The following PDE4D variants were observed in gnomAD, a reference collection of about 807,000 sequenced individuals.
PDE4D encodes phosphodiesterase 4D.
PDE4D carries 24 observed loss-of-function variants against 87.4 expected under a neutral mutation model. The ratio of observed to expected loss-of-function variants is 0.27; its 90% confidence interval spans 0.20 to 0.39. The LOEUF is 0.39. Ranked by LOEUF, PDE4D falls within the 10% of genes least tolerant of loss-of-function variation. The pLI is 1.00. For synonymous variants in PDE4D, 384 were observed against 383.2 expected (o/e 1.00, Z -0.02); for missense variants, 714 against 1,041.0 (o/e 0.69, Z 4.32).
intron 1 of PDE4D, among the ~76,000 whole-genome samples, chr5:59,332,308 T>C (rs1776876364): frequency 6.6e-6 from 1 of 152,192 alleles, no homozygotes; most frequent in Non-Finnish European, 1.5e-5. Context: ...GTATATACTT[T>C]ATTGAATTTT....
intron 5 of PDE4D, among the ~76,000 whole-genome samples, chr5:59,127,899 G>A (rs990942221): frequency 1.6e-4 from 24 of 151,888 alleles, no homozygotes; most frequent in African/African-American, 5.6e-4. Context: ...TCCTTCTGCC[G>A]GCAGCTTGCC....
intron 6 of PDE4D, among the ~76,000 whole-genome samples, chr5:59,013,556 A>G (rs1264928434): frequency 1.3e-5 from 2 of 152,214 alleles, no homozygotes; most frequent in African/African-American, 4.8e-5. Context: ...AGAAATGGAT[A>G]AATTCCTGGA....
At chr5:60,261,292 A>T (rs943303594) in intron 1 of PDE4D, among the ~76,000 whole-genome samples, 1 of 152,110 alleles carries the variant, frequency 6.6e-6, no homozygotes, top group African/African-American at 2.4e-5. Context: ...TGCTTTAGTT[A>T]ATTTTCCAAA....
chr5:60,288,470 TAAAAC>T (rs1752613490), intron 1 of PDE4D, among the ~76,000 whole-genome samples: 1 of 152,032 alleles, frequency 6.6e-6, no homozygotes, highest in African/African-American at 2.4e-5. Flanking sequence ...AATAACAAAA[TAAAAC>T]AAAACAAAAA....
rs1203950564 is a variant in PDE4D at position 60,106,021 on chromosome 5, T to A, written c.42+79536A>T. On this transcript the variant is annotated intron_variant, in intron 2 of 16. Coordinates refer to the PDE4D transcript ENST00000502484. ...CACACATAACAATATTAACTTTAAA[T>A]GTAAATAGAGTAAATGCTCCAATTA... 5.3e-5 allele frequency among the ~76,000 whole-genome samples: 8 copies of A among 152,150 alleles called. No individual in the cohort carries two copies. In the East Asian group the frequency reaches 1.2e-3, roughly 22 times the overall value.
At chr5:59,284,829 T>C (rs1766569244) in intron 1 of PDE4D, among the ~76,000 whole-genome samples, 1 of 48,778 alleles carries the variant, frequency 2.1e-5, no homozygotes, top group African/African-American at 8.1e-5. Context: ...CCAACAATGA[T>C]AGACTGGATT....
At chr5:60,501,600 G>A (rs1378659091) in intron 1 of PDE4D, among the ~76,000 whole-genome samples, 1 of 151,304 alleles carries the variant, frequency 6.6e-6, no homozygotes, top group Non-Finnish European at 1.5e-5. Flanking sequence ...TGGTTGAACT[G>A]GTTTACAGTC....
intron 1 of PDE4D, among the ~76,000 whole-genome samples, chr5:60,213,248 G>A (rs181771041): frequency 1.4e-4 from 21 of 152,302 alleles, no homozygotes; most frequent in Admixed American, 3.9e-4. Context: ...AGACAGAAGC[G>A]AAGCAGGGGC....
At chr5:60,335,310 G>A (rs1207710398) in intron 1 of PDE4D, among the ~76,000 whole-genome samples, 1 of 152,182 alleles carries the variant, frequency 6.6e-6, no homozygotes, top group East Asian at 1.9e-4. Context: ...AGGGGTGAGA[G>A]CAGGCTCAGT....
intron 1 of PDE4D, among the ~76,000 whole-genome samples, chr5:59,892,014 C>T (rs1751027484): frequency 6.6e-6 from 1 of 152,162 alleles, no homozygotes; most frequent in Admixed American, 6.5e-5. Flanking sequence ...TAGATGACGA[C>T]CCCTCTACTT....
intron 1 of PDE4D, among the ~76,000 whole-genome samples, chr5:59,667,202 C>CT (rs1234589827): frequency 1.3e-5 from 2 of 152,178 alleles, no homozygotes; most frequent in Non-Finnish European, 2.9e-5. Flanking sequence ...AGAATTTTCA[C>CT]TAGGCTTACC....
intron 1 of PDE4D, among the ~76,000 whole-genome samples, chr5:60,390,816 C>A (rs1012905192): frequency 2.0e-5 from 3 of 152,098 alleles, no homozygotes; most frequent in East Asian, 3.9e-4. Flanking sequence ...AACCCTCTGC[C>A]CTCAGAGCCT....
chr5:59,198,572 A>G (rs768117622), intron 2 of PDE4D, among the ~76,000 whole-genome samples: 1 of 152,180 alleles, frequency 6.6e-6, no homozygotes, highest in Non-Finnish European at 1.5e-5. Flanking sequence ...CATCTTCACT[A>G]GTCCTGGCGA....
At chr5:59,644,810 G>C (rs950656488) in intron 1 of PDE4D, among the ~76,000 whole-genome samples, 2 of 152,148 alleles carry the variant, frequency 1.3e-5, no homozygotes, top group Admixed American at 1.3e-4. Flanking sequence ...AGCACATTCT[G>C]TTCAGTGAAT....
chr5:60,314,445 G>A (rs980384354), intron 1 of PDE4D, among the ~76,000 whole-genome samples: 1 of 152,050 alleles, frequency 6.6e-6, no homozygotes, highest in African/African-American at 2.4e-5. Context: ...GGGATTACAG[G>A]AGTGAGCCAC....
chr5:60,049,097 T>C (rs1582376984), intron 2 of PDE4D, among the ~76,000 whole-genome samples: 1 of 152,184 alleles, frequency 6.6e-6, no homozygotes, highest in Admixed American at 6.5e-5. Context: ...ACTTCCCTTC[T>C]CACTTCATTT....
intron 1 of PDE4D, among the ~76,000 whole-genome samples, chr5:59,809,164 G>T (rs779263941): frequency 1.3e-5 from 2 of 152,150 alleles, no homozygotes; most frequent in Non-Finnish European, 2.9e-5. Context: ...CATTGCTAAT[G>T]ATTTGCCCTC....
intron 1 of PDE4D, among the ~76,000 whole-genome samples, chr5:59,467,051 A>G (rs1319852477): frequency 6.6e-6 from 1 of 152,194 alleles, no homozygotes; most frequent in Non-Finnish European, 1.5e-5. Flanking sequence ...AAGGACACAG[A>G]CACATACAGA....
At chr5:59,980,551 C>G (rs1291266279) in intron 3 of PDE4D, among the ~76,000 whole-genome samples, 2 of 152,160 alleles carry the variant, frequency 1.3e-5, no homozygotes, top group Non-Finnish European at 2.9e-5. Context: ...AACGTGGGAG[C>G]CTGGTGAAAT....
Sources: allele counts gnomAD v4.1 joint callset (sites outside exome capture counted in the v4.1 genomes callset), GRCh38; gene constraint gnomAD v4.1.1; transcripts MANE v1.5; gene names NCBI Gene and HGNC (gene_info 2026-07-23, HGNC 2026-07-21).